PLOD2: variants seen among roughly 807,000 people sequenced by gnomAD.
PLOD2 encodes procollagen-lysine,2-oxoglutarate 5-dioxygenase 2.
In PLOD2, 65 loss-of-function variants were observed where a neutral mutation model predicts 101.0. That is an observed-to-expected ratio of 0.64 (90% confidence interval 0.53 to 0.79). The LOEUF (loss-of-function observed/expected upper bound fraction) is 0.79. PLOD2 is among the 30% of genes least tolerant of loss of function. The probability of loss-of-function intolerance (pLI) is 0.00; values close to 1 mark genes in which losing one functional copy is unlikely to be tolerated. For missense variants in PLOD2, 909 were observed against 914.6 expected (o/e 0.99, Z 0.08); for synonymous variants, 314 against 302.9 (o/e 1.04, Z -0.38).
intron 1 of PLOD2, among the ~76,000 whole-genome samples, chr3:146,142,174 C>T (rs1295115419): frequency 2.0e-5 from 3 of 152,046 alleles, no homozygotes; most frequent in South Asian, 2.1e-4. Flanking sequence ...AAATAAACTA[C>T]AAGTAAAGCT....
intron 13 of PLOD2, among the ~76,000 whole-genome samples, chr3:146,078,751 G>A (rs1024844148): frequency 2.6e-5 from 4 of 151,684 alleles, no homozygotes; most frequent in African/African-American, 9.7e-5. Flanking sequence ...TGGAAATATT[G>A]TTTCATCGAA....
intron 1 of PLOD2, among the ~76,000 whole-genome samples, chr3:146,159,607 T>A (rs1374476589): frequency 5.9e-5 from 9 of 152,256 alleles, no homozygotes; most frequent in African/African-American, 2.2e-4. Flanking sequence ...TTGCTGAAAG[T>A]ATTTACTTTC....
intron 7 of PLOD2, among the ~76,000 whole-genome samples, chr3:146,096,882 G>GGGGGGA (rs1553733070): frequency 0.4 from 30,060 of 75,558 alleles, 7,737 homozygotes; most frequent in East Asian, 0.53. Flanking sequence ...GAGGGAGGTG[G>GGGGGGA]GGGGGGGGAG....
Position 146,110,297 on chromosome 3 carries a change from G to A in PLOD2, c.490C>T (p.Leu164=), listed in dbSNP as rs906653785. 6.2e-7 allele frequency: 1 copy of A among 1,613,492 alleles called. No homozygotes were observed. Among genetic ancestry groups the A allele is most frequent in the African/African-American group, 1.3e-5 (1 of 74,882 alleles). The change falls in exon 4 of 20, where the codon CTG becomes TTG. Residue 164 remains leucine, a synonymous_variant. Transcript: ENST00000282903. ...YPVVHIGKRY[L]NSGGFIGYAP... ...GTATCTAACTCACCTCCTGAATTCA[G>A]ATAGCGTTTCCCAATGTGCACAACA...
intron 1 of PLOD2, among the ~76,000 whole-genome samples, chr3:146,151,384 C>T (rs2032046064): frequency 6.6e-6 from 1 of 152,066 alleles, no homozygotes; most frequent in Non-Finnish European, 1.5e-5. Flanking sequence ...GTAATCCCAG[C>T]AACTGAGGAG....
chr3:146,088,781 GTT>G, intron 8 of PLOD2, 70 bp from the exon 9 acceptor site: 1 of 1,253,212 alleles, frequency 8.0e-7, no homozygotes, highest in South Asian at 1.2e-5. Context: ...TTATTCAAAT[GTT>G]AATCAGCATG....
At position 146,086,879 on chromosome 3, in the gene PLOD2, T is replaced by C. The variant is rs1356434529; in HGVS notation, c.1035A>G (p.Val345=). Reference sequence around the variant, plus strand: ...TTTCATGCTTAGCTTTATCAAAAAATACCTTGATGTCCTTTTCATGATAAA... The same window carrying C: ...TTTCATGCTTAGCTTTATCAAAAAACACCTTGATGTCCTTTTCATGATAAA... ...KEVYHEKDIK[V]FFDKAKHEIK... is the part of the protein sequence containing the mutation. The change falls in exon 10 of 20, where the codon GTA becomes GTG. Residue 345 remains valine, a synonymous_variant. Transcript: ENST00000282903. The C allele has an allele frequency of 1.3e-6, 2 of 1,516,916 alleles. No individual in the cohort carries two copies. Among genetic ancestry groups the C allele is most frequent in the South Asian group, 1.2e-5 (1 of 82,862 alleles). The allele number at this position is 1,516,916 out of a possible 1,614,324, so 94.0% of individuals were successfully genotyped here. A position where few individuals can be genotyped will look rare whatever the true frequency, so the allele number is the denominator to read the frequency against.
chr3:146,130,269 C>T (rs748952129), intron 1 of PLOD2, among the ~76,000 whole-genome samples: 9 of 152,164 alleles, frequency 5.9e-5, no homozygotes, highest in Non-Finnish European at 1.0e-4. Flanking sequence ...TACACATATG[C>T]TATTTCCTTA....
intron 1 of PLOD2, 155 bp downstream of exon 1, chr3:146,160,726 G>C: frequency 1.6e-6 from 1 of 608,010 alleles, no homozygotes; most frequent in Non-Finnish European, 2.9e-6. Context: ...AGCGCCGCCC[G>C]ACCGCAATTC....
intron 1 of PLOD2, among the ~76,000 whole-genome samples, chr3:146,132,068 C>T (rs1236197724): frequency 6.6e-6 from 1 of 152,180 alleles, no homozygotes; most frequent in Non-Finnish European, 1.5e-5. Flanking sequence ...GGCATCTTCA[C>T]ACACACTAGC....
intron 12 of PLOD2, among the ~76,000 whole-genome samples, chr3:146,080,163 G>A (rs543058235): frequency 1.8e-4 from 28 of 152,078 alleles, no homozygotes; most frequent in African/African-American, 5.8e-4. Context: ...CGCCTTATGT[G>A]AGGGTGATAC....
At chr3:146,118,542 A>T (rs1167482786) in intron 3 of PLOD2, among the ~76,000 whole-genome samples, 1 of 152,158 alleles carries the variant, frequency 6.6e-6, no homozygotes, top group Non-Finnish European at 1.5e-5. Flanking sequence ...ATATGTAAAA[A>T]GACCTTCCTA....
intron 2 of PLOD2, chr3:146,123,117 A>G (rs1195981646): frequency 5.8e-6 from 1 of 171,608 alleles, no homozygotes; most frequent in Non-Finnish European, 1.2e-5. Flanking sequence ...TAGCTGTTCT[A>G]TATTTACATC....
At chr3:146,113,682 G>A (rs763484822) in intron 3 of PLOD2, among the ~76,000 whole-genome samples, 1 of 152,112 alleles carries the variant, frequency 6.6e-6, no homozygotes, top group African/African-American at 2.4e-5. Flanking sequence ...ATCTTCGTAA[G>A]CTGAGGATGT....
At chr3:146,082,445 C>A (rs182857741) in intron 11 of PLOD2, among the ~76,000 whole-genome samples, 60 of 152,256 alleles carry the variant, frequency 3.9e-4, no homozygotes, top group African/African-American at 1.3e-3. Context: ...TTACAGTAAG[C>A]TAGTCCTGGC....
At chr3:146,123,166 C>T in intron 2 of PLOD2, 1 of 224,868 alleles carries the variant, frequency 4.4e-6, no homozygotes, top group East Asian at 1.4e-4. Flanking sequence ...TAAAAACTAC[C>T]TTTTTAATAT....
Position 146,079,237 on chromosome 3 carries a change from T to C in PLOD2, c.1379A>G (p.Tyr460Cys). The stretch of plus-strand genomic sequence containing the variant: ...TTTAATTAAGTACACATTAGCCATA[T>C]ATGGGACATTCCATACTCCTCTGAA... ...GNRVGVWNVPYMANVYLIKGK... is the reference protein window; with the variant it reads ...GNRVGVWNVPCMANVYLIKGK... The change falls in exon 13 of 20, where the codon TAT becomes TGT. Residue 460 changes from tyrosine (Y) to cysteine (C), a missense_variant. Coordinates refer to ENST00000282903, the MANE Select transcript of PLOD2 (RefSeq NM_182943.3). 6.2e-7 allele frequency: 1 copy of C among 1,607,032 alleles called. No homozygotes were observed. Among genetic ancestry groups the C allele is most frequent in the Non-Finnish European group, 8.5e-7 (1 of 1,173,878 alleles).
chr3:146,092,208 T>C (rs572416608), intron 7 of PLOD2, among the ~76,000 whole-genome samples: 11 of 151,852 alleles, frequency 7.2e-5, no homozygotes, highest in South Asian at 2.1e-4. Context: ...AACAATGAAA[T>C]AGAGTTTTAA....
chr3:146,152,232 A>G (rs891126847), intron 1 of PLOD2, among the ~76,000 whole-genome samples: 1 of 152,136 alleles, frequency 6.6e-6, no homozygotes, highest in Non-Finnish European at 1.5e-5. Flanking sequence ...CAGCCTGACC[A>G]ATATGGTGAA....
Sources: allele counts gnomAD v4.1 joint callset (sites outside exome capture counted in the v4.1 genomes callset), GRCh38; gene constraint gnomAD v4.1.1; transcripts MANE v1.5; gene names NCBI Gene and HGNC (gene_info 2026-07-23, HGNC 2026-07-21).